GPR137C: variants seen among roughly 807,000 people sequenced by gnomAD.
GPR137C encodes the protein G protein-coupled receptor 137C.
A neutral mutation model predicts 43.4 loss-of-function variants in GPR137C; 27 were observed. The observed-to-expected ratio is 0.62, with a 90% CI of 0.46 to 0.86. The LOEUF is 0.86. Ranked by LOEUF, GPR137C falls within the 40% of genes least tolerant of loss-of-function variation. The probability of loss-of-function intolerance (pLI) is 0.00; values close to 1 mark genes in which losing one functional copy is unlikely to be tolerated. For missense variants in GPR137C, 522 were observed against 534.6 expected, an observed-to-expected ratio of 0.98 and a Z score of 0.23; for synonymous variants, 285 against 226.9, an observed-to-expected ratio of 1.26 and a Z score of -2.30.
Position 52,553,239 on chromosome 14 carries a change from G to GCGCCGT in GPR137C, c.96_101dup (p.Val33_Ala34dup). Reference sequence around the variant, plus strand: ...CCCGGCGGGGGCAGCGGAGGCGGAGGCGCCGTCGCTGCAGCCTCAGGCGCC... The same window carrying GCGCCGT: ...CCCGGCGGGGGCAGCGGAGGCGGAGGCGCCGTCGCCGTCGCTGCAGCCTCAGGCGCC... On this transcript the variant is annotated inframe_insertion, in exon 1 of 7. Transcript: ENST00000321662. 7.7e-7 allele frequency: 1 copy of GCGCCGT among 1,300,658 alleles called. No homozygotes were observed. Among genetic ancestry groups the GCGCCGT allele is most frequent in the Non-Finnish European group, 9.8e-7 (1 of 1,024,968 alleles). 80.6% of individuals were successfully genotyped at this position (1,300,658 alleles called of 1,614,324 possible). A position where few individuals can be genotyped will look rare whatever the true frequency, so the allele number is the denominator to read the frequency against.
At chr14:52,576,214 A>G (rs1002427051) in intron 1 of GPR137C, among the ~76,000 whole-genome samples, 1 of 152,230 alleles carries the variant, frequency 6.6e-6, no homozygotes, top group Non-Finnish European at 1.5e-5. Flanking sequence ...ATAAGTGAGA[A>G]CATCAGTATT....
intron 1 of GPR137C, chr14:52,596,833 C>G: frequency 2.3e-6 from 1 of 438,454 alleles, no homozygotes; most frequent in Non-Finnish European, 4.6e-6. Flanking sequence ...GCTGCACCCA[C>G]TGTCCAACCA....
At position 52,630,043 on chromosome 14, in the gene GPR137C, ACTTTCTATGTCG is replaced by A. The variant is rs1479596204; in HGVS notation, c.718-2114_718-2103del. ...AAGGTTTTCTTCGACTTTCGATAACACTTTCTATGTCGCTGGATCCTTATTTTTCATTTTGTA... is the reference window on the plus strand; with the variant it reads ...AAGGTTTTCTTCGACTTTCGATAACACTGGATCCTTATTTTTCATTTTGTA... On this transcript the variant is annotated intron_variant, in intron 3 of 6. Transcript: ENST00000321662. Among the ~76,000 whole-genome samples, 7 of 152,146 alleles carry A rather than the reference ACTTTCTATGTCG, an allele frequency of 4.6e-5. No individual in the cohort carries two copies. The South Asian group carries it at 1.5e-3, about 32-fold the overall frequency.
intron 1 of GPR137C, among the ~76,000 whole-genome samples, chr14:52,565,355 A>G (rs940281928): frequency 1.3e-5 from 2 of 152,158 alleles, no homozygotes; most frequent in African/African-American, 4.8e-5. Context: ...TCCATATACC[A>G]AGCTTTAATT....
chr14:52,619,439 A>C (rs1253152303), intron 3 of GPR137C, among the ~76,000 whole-genome samples: 1 of 152,146 alleles, frequency 6.6e-6, no homozygotes, highest in East Asian at 1.9e-4. Context: ...CCCTTGAGTT[A>C]CTGGGATTTA....
chr14:52,620,564 C>T (rs542482735), intron 3 of GPR137C, among the ~76,000 whole-genome samples: 2 of 151,410 alleles, frequency 1.3e-5, no homozygotes, highest in Non-Finnish European at 3.0e-5. Context: ...GAAATACATA[C>T]TCAAGAGCAA....
chr14:52,601,211 T>C (rs1423435240), intron 3 of GPR137C, among the ~76,000 whole-genome samples: 1 of 152,192 alleles, frequency 6.6e-6, no homozygotes, highest in African/African-American at 2.4e-5. Context: ...AAATACATTT[T>C]TACAATCACT....
chr14:52,608,299 A>C (rs1317386065), intron 3 of GPR137C, among the ~76,000 whole-genome samples: 1 of 152,192 alleles, frequency 6.6e-6, no homozygotes, highest in Non-Finnish European at 1.5e-5. Flanking sequence ...CATGAGGCTT[A>C]CAAAAAATAT....
At chr14:52,619,792 C>T (rs918136687) in intron 3 of GPR137C, among the ~76,000 whole-genome samples, 1 of 152,052 alleles carries the variant, frequency 6.6e-6, no homozygotes, top group Non-Finnish European at 1.5e-5. Context: ...CAGCATGAAA[C>T]TGTTTGTGAA....
At chr14:52,627,817 C>G (rs962371658) in intron 3 of GPR137C, among the ~76,000 whole-genome samples, 7 of 152,092 alleles carry the variant, frequency 4.6e-5, no homozygotes, top group Non-Finnish European at 8.8e-5. Context: ...GCACTCCAGC[C>G]TGGCGACAGA....
In GPR137C at chr14:52,635,510, C is replaced by A; in HGVS notation, c.*395C>A. ...GCAATTTTCCTATGAAAATCAAAGC[C>A]GGTATATTCATTGGTATGCTCTATA... On this transcript the variant is annotated 3_prime_UTR_variant, in exon 7 of 7. Coordinates refer to ENST00000321662, the MANE Select transcript of GPR137C (RefSeq NM_001099652.2). The A allele has an allele frequency of 6.1e-6, 1 of 164,610 alleles. No individual in the cohort carries two copies. Among genetic ancestry groups the A allele is most frequent in the Non-Finnish European group, 1.3e-5 (1 of 77,390 alleles). 10.2% of individuals were successfully genotyped at this position (164,610 alleles called of 1,614,324 possible).
intron 3 of GPR137C, chr14:52,612,374 C>T: frequency 3.2e-6 from 3 of 935,934 alleles, no homozygotes; most frequent in South Asian, 9.9e-5. Flanking sequence ...TCTTATCCTA[C>T]TGATAGGCCT....
intron 1 of GPR137C, among the ~76,000 whole-genome samples, chr14:52,581,006 CT>C (rs2038638147): frequency 6.6e-6 from 1 of 151,056 alleles, no homozygotes; most frequent in Non-Finnish European, 1.5e-5. Context: ...TGAGACCAGC[CT>C]GGCCAACATG....
chr14:52,613,442 T>C (rs1159333902), intron 3 of GPR137C: 1 of 152,974 alleles, frequency 6.5e-6, no homozygotes, highest in African/African-American at 2.4e-5. Flanking sequence ...AACTAGGTCT[T>C]ATTAATTCTT....
At chr14:52,607,920 A>C (rs765565035) in intron 3 of GPR137C, among the ~76,000 whole-genome samples, 1 of 152,034 alleles carries the variant, frequency 6.6e-6, no homozygotes, top group Non-Finnish European at 1.5e-5. Flanking sequence ...TCTGATATGA[A>C]TATAGCTCTT....
intron 1 of GPR137C, among the ~76,000 whole-genome samples, chr14:52,566,803 A>C (rs2038377156): frequency 6.6e-6 from 1 of 152,206 alleles, no homozygotes; most frequent in Admixed American, 6.5e-5. Context: ...TGGATGTTAT[A>C]GGGATACCAT....
At chr14:52,633,156 A>G (rs1274250192) in intron 4 of GPR137C, among the ~76,000 whole-genome samples, 1 of 152,108 alleles carries the variant, frequency 6.6e-6, no homozygotes, top group Non-Finnish European at 1.5e-5. Context: ...ACATTTTTCT[A>G]TAGGTGTAAT....
intron 3 of GPR137C, among the ~76,000 whole-genome samples, chr14:52,629,829 A>G (rs866873781): frequency 1.3e-5 from 2 of 152,204 alleles, no homozygotes; most frequent in Non-Finnish European, 2.9e-5. Context: ...TTCTAAAAGT[A>G]TCTGTAAACA....
chr14:52,562,335 T>C (rs1213294385), intron 1 of GPR137C, among the ~76,000 whole-genome samples: 1 of 152,244 alleles, frequency 6.6e-6, no homozygotes, highest in Non-Finnish European at 1.5e-5. Context: ...GTGAAAATTA[T>C]ATACTTCATA....
Sources: gnomAD v4.1 joint callset for allele counts (sites outside exome capture counted in the v4.1 genomes callset) on GRCh38, gnomAD v4.1.1 for gene constraint, MANE v1.5 for transcripts, NCBI Gene and HGNC (gene_info 2026-07-23, HGNC 2026-07-21) for gene names.